Variants in LHFPL3 observed in about 807,000 individuals in gnomAD.
The protein encoded by LHFPL3 is LHFPL tetraspan subfamily member 3.
A neutral mutation model predicts 19.3 loss-of-function variants in LHFPL3; 5 were observed. The ratio of observed to expected loss-of-function variants is 0.26; its 90% CI spans 0.14 to 0.54. The LOEUF (loss-of-function observed/expected upper bound fraction) is 0.54, where lower values mean the gene tolerates loss of function less well. Ranked by LOEUF, LHFPL3 falls within the 20% of genes least tolerant of loss-of-function variation. The pLI, the probability that LHFPL3 is intolerant of heterozygous loss-of-function variation, is 0.94. For missense variants in LHFPL3, 249 were observed against 307.4 expected (o/e 0.81, Z 1.42); for synonymous variants, 133 against 126.2 (o/e 1.05, Z -0.36).
chr7:104,597,566 G>T (rs923382514), intron 1 of LHFPL3, among the ~76,000 whole-genome samples: 3 of 152,130 alleles, frequency 2.0e-5, no homozygotes, highest in African/African-American at 7.2e-5. Context: ...TGACATGGTG[G>T]GGGGAGGGGA....
intron 1 of LHFPL3, among the ~76,000 whole-genome samples, chr7:104,430,441 T>TATATATAC (rs1791971304): frequency 6.3e-5 from 1 of 15,780 alleles, no homozygotes; most frequent in Admixed American, 9.1e-4. Context: ...TATATATATA[T>TATATATAC]ATATATATAT....
chr7:104,481,275 C>T (rs1793131485), intron 1 of LHFPL3, among the ~76,000 whole-genome samples: 1 of 152,184 alleles, frequency 6.6e-6, no homozygotes, highest in African/African-American at 2.4e-5. Flanking sequence ...ACCCATCTAC[C>T]ACATTGTTTC....
rs189290978 is a variant in LHFPL3 at position 104,670,811 on chromosome 7, G to T, written c.446-65864G>T. 4.7e-4 allele frequency among the ~76,000 whole-genome samples: 71 copies of T among 151,570 alleles called. 1 individual carries two copies. The East Asian group carries it at 9.3e-3, about 20-fold the overall frequency. On this transcript the variant is annotated intron_variant, in intron 1 of 2. Transcript: ENST00000424859. ...CCCAAGTTTCCTTCTCCACTGAAAT[G>T]CCACACTAATGTTTGTTGGATTCAT... is the stretch of plus-strand genomic sequence containing the variant.
chr7:104,605,157 A>ATTTTTTT (rs1791068911), intron 1 of LHFPL3, among the ~76,000 whole-genome samples: 1 of 152,150 alleles, frequency 6.6e-6, no homozygotes, highest in South Asian at 2.1e-4. Context: ...AATCCACGGG[A>ATTTTTTT]AATATTTTAC....
chr7:104,846,107 A>C (rs569396068), intron 2 of LHFPL3, among the ~76,000 whole-genome samples: 2 of 152,344 alleles, frequency 1.3e-5, no homozygotes, highest in South Asian at 4.1e-4. Flanking sequence ...CCTTCATTGT[A>C]CTGTTCACAC....
chr7:104,482,302 T>A (rs1195512802), intron 1 of LHFPL3, among the ~76,000 whole-genome samples: 1 of 152,202 alleles, frequency 6.6e-6, no homozygotes, highest in Admixed American at 6.5e-5. Flanking sequence ...ATTTACCAAA[T>A]CACTTGGCTT....
intron 1 of LHFPL3, among the ~76,000 whole-genome samples, chr7:104,450,065 G>A (rs1562901148): frequency 6.6e-6 from 1 of 152,178 alleles, no homozygotes; most frequent in Non-Finnish European, 1.5e-5. Context: ...TCTCAGGATG[G>A]AAATATTGGT....
At chr7:104,812,107 T>C (rs889684048) in intron 2 of LHFPL3, among the ~76,000 whole-genome samples, 1 of 152,216 alleles carries the variant, frequency 6.6e-6, no homozygotes, top group Admixed American at 6.5e-5. Context: ...GCCTTTCTGT[T>C]TGTTGTCAAT....
rs533569653 is a variant in LHFPL3, at chr7:104,593,719, A to G, written c.446-142956A>G. 5.9e-5 allele frequency among the ~76,000 whole-genome samples: 9 copies of G among 151,616 alleles called. No individual in the cohort carries two copies. The East Asian group carries it at 1.7e-3, about 29-fold the overall frequency. On this transcript the variant is annotated intron_variant, in intron 1 of 2. Coordinates refer to ENST00000424859, the MANE Select transcript of LHFPL3 (RefSeq NM_199000.3). ...AAGGACTTGCTTTATGAATCTGGGCACTCCTGTATTGGGTGCATATATATT... is the reference window on the plus strand; with the variant it reads ...AAGGACTTGCTTTATGAATCTGGGCGCTCCTGTATTGGGTGCATATATATT...
chr7:104,568,232 G>A (rs1490027724), intron 1 of LHFPL3, among the ~76,000 whole-genome samples: 1 of 152,182 alleles, frequency 6.6e-6, no homozygotes, highest in Non-Finnish European at 1.5e-5. Flanking sequence ...GGTAGGTATG[G>A]AGGTGAAACT....
chr7:104,880,734 T>C (rs928184796), intron 2 of LHFPL3, among the ~76,000 whole-genome samples: 9 of 152,038 alleles, frequency 5.9e-5, no homozygotes, highest in Non-Finnish European at 1.2e-4. Context: ...TCATTGACAA[T>C]GCAGCTGGTC....
At chr7:104,758,678 C>G (rs772413220) in intron 2 of LHFPL3, among the ~76,000 whole-genome samples, 8 of 152,132 alleles carry the variant, frequency 5.3e-5, no homozygotes, top group African/African-American at 1.9e-4. Flanking sequence ...CATCTGTCTA[C>G]CATCTGGCCC....
intron 1 of LHFPL3, among the ~76,000 whole-genome samples, chr7:104,351,970 G>A (rs1040070849): frequency 2.6e-5 from 4 of 152,158 alleles, no homozygotes; most frequent in Non-Finnish European, 2.9e-5. Context: ...AGGTCATAGC[G>A]GGAGGATTGC....
At chr7:104,733,194 T>A (rs977021610) in intron 1 of LHFPL3, among the ~76,000 whole-genome samples, 1 of 152,218 alleles carries the variant, frequency 6.6e-6, no homozygotes, top group Non-Finnish European at 1.5e-5. Context: ...GAAAAATGTA[T>A]ATGCTGTTGA....
intron 1 of LHFPL3, among the ~76,000 whole-genome samples, chr7:104,650,989 TCTAA>T (rs1180737574): frequency 6.6e-6 from 1 of 152,184 alleles, no homozygotes; most frequent in Non-Finnish European, 1.5e-5. Flanking sequence ...CTTTTAAGAA[TCTAA>T]CTAACCATCT....
chr7:104,423,557 C>G (rs569897213), intron 1 of LHFPL3, among the ~76,000 whole-genome samples: 18 of 152,152 alleles, frequency 1.2e-4, no homozygotes, highest in Non-Finnish European at 2.1e-4. Context: ...ATCACTTGAT[C>G]ACTTGAGGTG....
chr7:104,603,736 G>T (rs1044600338), intron 1 of LHFPL3, among the ~76,000 whole-genome samples: 1 of 152,204 alleles, frequency 6.6e-6, no homozygotes, highest in Non-Finnish European at 1.5e-5. Flanking sequence ...GAGGCAACTT[G>T]TCTCAAGCAA....
At chr7:104,485,066 T>TA (rs1246675907) in intron 1 of LHFPL3, among the ~76,000 whole-genome samples, 4 of 152,184 alleles carry the variant, frequency 2.6e-5, no homozygotes, top group African/African-American at 7.2e-5. Flanking sequence ...AATGGTCTTT[T>TA]AAAAAATATA....
rs1791975172 is a variant in LHFPL3 at position 104,430,450 on chromosome 7, ATATATTTTTTTTTTTTT to A, written c.445+101228_445+101244del. 1.4e-4 allele frequency among the ~76,000 whole-genome samples: 3 copies of A among 20,844 alleles called. 1 individual carries two copies. Among genetic ancestry groups the A allele is most frequent in the African/African-American group, 8.4e-4 (3 of 3,574 alleles). The allele number at this position is 20,844 out of a possible 152,430, so 13.7% of individuals were successfully genotyped here. A position where few individuals can be genotyped will look rare whatever the true frequency, so the allele number is the denominator to read the frequency against. ...TATATATATATATATATATATATAT[ATATATTTTTTTTTTTTT>A]TTTTTTTTTTTTTTTTTTTGAGGCG... is the stretch of plus-strand genomic sequence containing the variant. On this transcript the variant is annotated intron_variant, in intron 1 of 2. Coordinates refer to ENST00000424859, the MANE Select transcript of LHFPL3 (RefSeq NM_199000.3).
Sources: gnomAD v4.1 joint callset for allele counts (sites outside exome capture counted in the v4.1 genomes callset) on GRCh38, gnomAD v4.1.1 for gene constraint, MANE v1.5 for transcripts, NCBI Gene and HGNC (gene_info 2026-07-23, HGNC 2026-07-21) for gene names.